The following EPHA6 variants were observed in gnomAD, a reference collection of about 807,000 sequenced individuals.
EPHA6 encodes the protein ephrin type-A receptor 6.
EPHA6 carries 50 observed loss-of-function variants against 112.0 expected under a neutral mutation model. The ratio of observed to expected loss-of-function variants is 0.45; its 90% CI spans 0.36 to 0.56. The LOEUF (loss-of-function observed/expected upper bound fraction) is 0.56, where lower values mean the gene tolerates loss of function less well. Ranked by LOEUF, EPHA6 falls within the 20% of genes least tolerant of loss-of-function variation. EPHA6 has a pLI of 0.00. For synonymous variants in EPHA6, 529 were observed against 490.7 expected (o/e 1.08, Z -1.03); for missense variants, 1,280 against 1,417.4 (o/e 0.90, Z 1.56).
chr3:96,832,166 T>A (rs1049881267), intron 1 of EPHA6, among the ~76,000 whole-genome samples: 1 of 152,104 alleles, frequency 6.6e-6, no homozygotes, highest in Admixed American at 6.6e-5. Context: ...ATCACTTCAC[T>A]GCTCATGTAA....
At chr3:97,472,330 G>A (rs1425864955) in intron 7 of EPHA6, among the ~76,000 whole-genome samples, 2 of 151,536 alleles carry the variant, frequency 1.3e-5, no homozygotes, top group Non-Finnish European at 3.0e-5. Context: ...TCTGTCTGGG[G>A]ACCTACCCAA....
At chr3:97,604,507 T>A (rs1214232174) in intron 12 of EPHA6, among the ~76,000 whole-genome samples, 10 of 151,776 alleles carry the variant, frequency 6.6e-5, no homozygotes, top group African/African-American at 2.2e-4. Context: ...TCTATTTTTT[T>A]AAAACTTTTT....
chr3:97,514,226 A>G (rs1165892900), intron 10 of EPHA6, among the ~76,000 whole-genome samples: 1 of 152,176 alleles, frequency 6.6e-6, no homozygotes, highest in African/African-American at 2.4e-5. Flanking sequence ...TCCAGCCTCT[A>G]AAGATGGCCT....
At position 97,116,253 on chromosome 3, in the gene EPHA6, T is replaced by G. The variant is rs141047273; in HGVS notation, c.1115-110011T>G. ...ATTCACAAGTAAAATATGTATATTT[T>G]TAATGGTATACAATGTGATGTTTTG... On this transcript the variant is annotated intron_variant, in intron 3 of 17. Transcript: ENST00000389672. Among the ~76,000 whole-genome samples, 954 of 151,886 alleles carry G rather than the reference T, an allele frequency of 6.3e-3. 7 individuals carry two copies. Among genetic ancestry groups the G allele is most frequent in the African/African-American group, 0.022 (912 of 41,542 alleles).
At chr3:97,183,884 T>A (rs2077054843) in intron 3 of EPHA6, among the ~76,000 whole-genome samples, 1 of 152,132 alleles carries the variant, frequency 6.6e-6, no homozygotes, top group Non-Finnish European at 1.5e-5. Flanking sequence ...TTACAGCAGT[T>A]CAGCAACAAG....
chr3:96,943,777 G>A (rs1401637157), intron 2 of EPHA6, among the ~76,000 whole-genome samples: 2 of 152,158 alleles, frequency 1.3e-5, no homozygotes, highest in East Asian at 1.9e-4. Flanking sequence ...AGGATTGCTC[G>A]AGCCTGGGAG....
chr3:97,451,909 G>A (rs1374192754), intron 7 of EPHA6, among the ~76,000 whole-genome samples: 1 of 151,964 alleles, frequency 6.6e-6, no homozygotes, highest in African/African-American at 2.4e-5. Flanking sequence ...TAGAGATGAG[G>A]TATGGGTTGG....
At position 96,864,304 on chromosome 3, in the gene EPHA6, T is replaced by A. The variant is rs527685794; in HGVS notation, c.386-2521T>A. ...TAGGGTGGCCTATGTATAATGTTCT[T>A]AACTGGAAATAGCCCAGATGTCCAT... On this transcript the variant is annotated intron_variant, in intron 1 of 17. Coordinates refer to ENST00000389672, the MANE Select transcript of EPHA6 (RefSeq NM_001080448.3). Among the ~76,000 whole-genome samples, 4 of 152,202 alleles carry A rather than the reference T, an allele frequency of 2.6e-5. No individual in the cohort carries two copies. The South Asian group carries it at 8.3e-4, about 32-fold the overall frequency.
chr3:97,538,420 A>T (rs903337524), intron 11 of EPHA6, among the ~76,000 whole-genome samples: 11 of 152,138 alleles, frequency 7.2e-5, no homozygotes, highest in African/African-American at 2.4e-4. Context: ...GAAAATAGTG[A>T]ATTCTTATTT....
chr3:97,114,474 A>G (rs1370153236), intron 3 of EPHA6, among the ~76,000 whole-genome samples: 1 of 152,032 alleles, frequency 6.6e-6, no homozygotes, highest in East Asian at 1.9e-4. Context: ...ACCGCACTCA[A>G]GAACACCTGG....
intron 5 of EPHA6, among the ~76,000 whole-genome samples, chr3:97,274,267 C>T (rs867631671): frequency 4.6e-5 from 7 of 152,016 alleles, no homozygotes; most frequent in South Asian, 2.1e-4. Flanking sequence ...GAGTGACTGA[C>T]GTGAAGGAGA....
chr3:97,251,711 T>A (rs2079147650), intron 5 of EPHA6, among the ~76,000 whole-genome samples: 1 of 152,200 alleles, frequency 6.6e-6, no homozygotes, highest in African/African-American at 2.4e-5. Context: ...TTTTCTTCCA[T>A]GTATTCCTCT....
intron 10 of EPHA6, among the ~76,000 whole-genome samples, chr3:97,502,752 T>G (rs1321356938): frequency 7.4e-6 from 1 of 135,594 alleles, no homozygotes; most frequent in East Asian, 2.2e-4. Context: ...GGGAATCACT[T>G]GAACCAGCGA....
intron 5 of EPHA6, among the ~76,000 whole-genome samples, chr3:97,368,217 C>A (rs1362676821): frequency 1.3e-5 from 2 of 152,012 alleles, no homozygotes; most frequent in Admixed American, 6.6e-5. Flanking sequence ...CTTTTAATTT[C>A]TATGGTCTTA....
At chr3:97,539,026 T>G (rs184333550) in intron 11 of EPHA6, among the ~76,000 whole-genome samples, 18 of 149,386 alleles carry the variant, frequency 1.2e-4, no homozygotes, top group East Asian at 7.9e-4. Flanking sequence ...TTTCTTTCTT[T>G]CTTTCTTTCT....
rs13315517 is a variant in EPHA6, at chr3:97,730,697, G to A, written c.2935-5228G>A. On this transcript the variant is annotated intron_variant, in intron 15 of 17. Transcript: ENST00000389672. ...AATCAAAACTTTCCACAAAGAAAAT[G>A]TTTATGAAGATAAAGGTTAATATAG... is the stretch of plus-strand genomic sequence containing the variant. Among the ~76,000 whole-genome samples, 526 of 152,172 alleles carry A rather than the reference G, an allele frequency of 3.5e-3. 1 individual carries two copies. The highest frequency in any genetic ancestry group is 0.012 in the African/African-American group (480 of 41,536).
chr3:97,042,242 C>T (rs892271948), intron 3 of EPHA6, among the ~76,000 whole-genome samples: 1 of 151,892 alleles, frequency 6.6e-6, no homozygotes, highest in Non-Finnish European at 1.5e-5. Context: ...GAGATCTGGT[C>T]GTTTAAAAGT....
At chr3:97,295,638 T>C (rs369908782) in intron 5 of EPHA6, among the ~76,000 whole-genome samples, 5 of 152,288 alleles carry the variant, frequency 3.3e-5, no homozygotes, top group African/African-American at 9.6e-5. Flanking sequence ...CTTGTCTTTA[T>C]GTTGTATCTG....
chr3:97,367,369 G>C (rs1249817673), intron 5 of EPHA6, among the ~76,000 whole-genome samples: 1 of 152,114 alleles, frequency 6.6e-6, no homozygotes, highest in Non-Finnish European at 1.5e-5. Flanking sequence ...AGAGAAGCAA[G>C]GAGAGCAAGG....
Sources: gnomAD v4.1 joint callset for allele counts (sites outside exome capture counted in the v4.1 genomes callset) on GRCh38, gnomAD v4.1.1 for gene constraint, MANE v1.5 for transcripts, NCBI Gene and HGNC (gene_info 2026-07-23, HGNC 2026-07-21) for gene names.